The following DSCAM variants were observed in gnomAD, a reference collection of about 807,000 sequenced individuals.
DSCAM encodes the protein cell adhesion molecule DSCAM.
DSCAM carries 47 observed loss-of-function variants against 217.7 expected under a neutral mutation model. The ratio of observed to expected loss-of-function variants is 0.22; its 90% CI spans 0.17 to 0.28. DSCAM has a LOEUF of 0.28. Among genes scored for constraint, DSCAM ranks in the 10% least tolerant of loss-of-function variants. DSCAM has a pLI of 1.00. For synonymous variants in DSCAM, 1,056 were observed against 1,015.3 expected (o/e 1.04, Z -0.76); for missense variants, 2,080 against 2,618.3 (o/e 0.79, Z 4.49).
chr21:40,609,244 C>G (rs769934511), intron 3 of DSCAM, among the ~76,000 whole-genome samples: 1 of 152,182 alleles, frequency 6.6e-6, no homozygotes, highest in Non-Finnish European at 1.5e-5. Flanking sequence ...CATGAGCCAC[C>G]GCGCCCAGCC....
chr21:40,353,159 A>G (rs2074651818), intron 5 of DSCAM, among the ~76,000 whole-genome samples: 1 of 152,212 alleles, frequency 6.6e-6, no homozygotes, highest in Non-Finnish European at 1.5e-5. Flanking sequence ...TTCATCAGCT[A>G]GGAAGTGTTA....
intron 11 of DSCAM, among the ~76,000 whole-genome samples, chr21:40,247,128 T>C (rs2073236666): frequency 6.6e-6 from 1 of 152,148 alleles, no homozygotes; most frequent in South Asian, 2.1e-4. Flanking sequence ...CATGATTTAA[T>C]TACCTCCAGC....
chr21:40,475,713 C>G (rs2075928341), intron 3 of DSCAM, among the ~76,000 whole-genome samples: 1 of 152,132 alleles, frequency 6.6e-6, no homozygotes, highest in Admixed American at 6.5e-5. Context: ...CGCCTGTAAT[C>G]CCAGCTACTC....
At chr21:40,505,311 C>T (rs1021996700) in intron 3 of DSCAM, among the ~76,000 whole-genome samples, 1 of 152,148 alleles carries the variant, frequency 6.6e-6, no homozygotes, top group African/African-American at 2.4e-5. Context: ...CAAAGGAAAA[C>T]AGGATAGAGT....
intron 14 of DSCAM, among the ~76,000 whole-genome samples, chr21:40,182,679 T>C (rs74192480): frequency 0.012 from 228 of 18,660 alleles, 7 homozygotes; most frequent in Middle Eastern, 0.038. Context: ...CAGGGGGGGG[T>C]TACCAGAGAA....
chr21:40,620,964 G>A (rs557031115), intron 3 of DSCAM, among the ~76,000 whole-genome samples: 2 of 152,216 alleles, frequency 1.3e-5, no homozygotes, highest in African/African-American at 4.8e-5. Context: ...CATTATAAGT[G>A]AAAGAAGCCA....
chr21:40,133,893 C>T lies in DSCAM; in HGVS notation c.3523G>A (p.Val1175Ile), dbSNP rs780169077. 2 of 1,613,426 alleles carry T rather than the reference C, an allele frequency of 1.2e-6. No individual in the cohort carries two copies. The highest frequency in any genetic ancestry group is 8.5e-7 in the Non-Finnish European group (1 of 1,179,738). ...CGGGTGAAGATCTGCTCACTCCTGA[C>T]CCCGTCTCCTGCGCGGGTGAAGGCC... Reference protein sequence around the residue: ...VLAFTRAGDGVRSEQIFTRTK... With the variant: ...VLAFTRAGDGIRSEQIFTRTK... The change falls in exon 19 of 33, where the codon GTC becomes ATC. Residue 1175 changes from valine to isoleucine, a missense_variant. Val to Ile is a conservative substitution (Grantham distance 29). This residue lies in a region of DSCAM where 1,144 missense variants were observed against 1,421.1 expected (regional missense o/e 0.81). Coordinates refer to ENST00000400454, the MANE Select transcript of DSCAM (RefSeq NM_001389.5).
chr21:40,832,486 A>T (rs1180130106), intron 1 of DSCAM, among the ~76,000 whole-genome samples: 2 of 152,190 alleles, frequency 1.3e-5, no homozygotes, highest in Non-Finnish European at 2.9e-5. Flanking sequence ...GGTATGTGAC[A>T]ATCTATGCAG....
chr21:40,042,707 C>T, intron 31 of DSCAM, 34 bp from the exon 32 acceptor site: 1 of 1,559,114 alleles, frequency 6.4e-7, no homozygotes, highest in Non-Finnish European at 8.6e-7. Context: ...AGACGGACGA[C>T]TCACCATCAG....
At chr21:40,696,536 C>T (rs1476659783) in intron 2 of DSCAM, among the ~76,000 whole-genome samples, 1 of 152,134 alleles carries the variant, frequency 6.6e-6, no homozygotes, top group African/African-American at 2.4e-5. Context: ...CAGGCATTTC[C>T]CACTCTTGTT....
rs2090742154 is a variant in DSCAM, at chr21:40,708,538, T to C, written c.277A>G (p.Thr93Ala). The stretch of plus-strand genomic sequence containing the variant: ...TAATAAGTATTATCATGGATTAAGG[T>C]ACTGAAGCTTGAAGGAGGGAAGGGG... ...IFPFPPSSFS[T>A]LIHDNTYYCT... Residue 93 changes from threonine to alanine, a missense_variant, in exon 2 of 33, where the codon ACC (threonine) becomes GCC (alanine). Around this residue, in one of 5 missense-constraint regions of DSCAM, gnomAD observed 568 missense variants for 678.1 expected, o/e 0.84. Transcript: ENST00000400454. 2.5e-6 allele frequency: 4 copies of C among 1,590,306 alleles called. No homozygotes were observed. The highest frequency in any genetic ancestry group is 1.2e-5 in the South Asian group (1 of 85,966).
At chr21:40,116,156 C>G (rs562117888) in intron 20 of DSCAM, among the ~76,000 whole-genome samples, 1 of 152,142 alleles carries the variant, frequency 6.6e-6, no homozygotes, top group South Asian at 2.1e-4. Flanking sequence ...ACAACACACA[C>G]CTTTCAGAGG....
chr21:40,012,622 T>C lies in DSCAM; in HGVS notation c.*412A>G, dbSNP rs1031113931. 1 of 153,060 alleles carries C rather than the reference T, an allele frequency of 6.5e-6. No individual in the cohort carries two copies. The highest frequency in any genetic ancestry group is 1.5e-5 in the Non-Finnish European group (1 of 68,730). 9.5% of individuals were successfully genotyped at this position (153,060 alleles called of 1,614,324 possible). The stretch of plus-strand genomic sequence containing the variant: ...AGGTGTGCAAACGTGACTGAAGTTT[T>C]CCCCTGCCCGCAAATCGGTGTTCCT... On this transcript the variant is annotated 3_prime_UTR_variant, in exon 33 of 33. Coordinates refer to ENST00000400454, the MANE Select transcript of DSCAM (RefSeq NM_001389.5).
chr21:40,838,275 T>G (rs1360009030), intron 1 of DSCAM, among the ~76,000 whole-genome samples: 2 of 152,234 alleles, frequency 1.3e-5, no homozygotes, highest in Non-Finnish European at 2.9e-5. Flanking sequence ...ATTAGGAAGA[T>G]TAATCAATGG....
intron 19 of DSCAM, among the ~76,000 whole-genome samples, chr21:40,130,998 G>A (rs974653493): frequency 5.3e-5 from 8 of 152,166 alleles, no homozygotes; most frequent in Non-Finnish European, 7.4e-5. Context: ...TTGCAAGAAC[G>A]TTGATAAACG....
At chr21:40,610,861 G>A (rs1170527393) in intron 3 of DSCAM, among the ~76,000 whole-genome samples, 1 of 152,120 alleles carries the variant, frequency 6.6e-6, no homozygotes, top group East Asian at 1.9e-4. Flanking sequence ...CTTTTGATAT[G>A]TTCATTGCAA....
chr21:40,526,690 A>C (rs1488056831), intron 3 of DSCAM, among the ~76,000 whole-genome samples: 1 of 152,186 alleles, frequency 6.6e-6, no homozygotes, highest in South Asian at 2.1e-4. Context: ...GCACTTCAAC[A>C]GAGGCCTGAA....
intron 3 of DSCAM, among the ~76,000 whole-genome samples, chr21:40,465,978 G>A (rs1413083845): frequency 2.0e-5 from 3 of 152,054 alleles, no homozygotes; most frequent in African/African-American, 7.2e-5. Context: ...TGCTGTTTTG[G>A]GTGACGGAAT....
intron 19 of DSCAM, among the ~76,000 whole-genome samples, chr21:40,130,160 A>C (rs551574015): frequency 6.6e-6 from 1 of 152,366 alleles, no homozygotes; most frequent in East Asian, 1.9e-4. Context: ...TTTTGCCTTC[A>C]GAGTGAAAAC....
Sources: allele counts gnomAD v4.1 joint callset (sites outside exome capture counted in the v4.1 genomes callset), GRCh38; gene constraint gnomAD v4.1.1; regional missense constraint gnomAD v4.1.1; transcripts MANE v1.5; gene names NCBI Gene and HGNC (gene_info 2026-07-23, HGNC 2026-07-21).